Variants in GRID1 observed in about 807,000 individuals in gnomAD.
GRID1 encodes the protein glutamate ionotropic receptor delta type subunit 1, also known as glutamate receptor ionotropic, delta-1.
Under a neutral mutation model 98.0 loss-of-function variants are expected in GRID1, and 28 were observed. The ratio of observed to expected loss-of-function variants is 0.29; its 90% confidence interval spans 0.21 to 0.39. GRID1 has a LOEUF of 0.39. Among genes scored for constraint, GRID1 ranks in the 10% least tolerant of loss-of-function variants. The pLI, the probability that GRID1 is intolerant of heterozygous loss-of-function variation, is 1.00. For synonymous variants in GRID1, 553 were observed against 538.5 expected (o/e 1.03, Z -0.37); for missense variants, 1,111 against 1,340.5 (o/e 0.83, Z 2.67).
In GRID1 at chr10:85,897,897, C is replaced by G. The variant is rs537395603; in HGVS notation, c.780+18289G>C. 2.0e-5 allele frequency among the ~76,000 whole-genome samples: 3 copies of G among 152,258 alleles called. No individual in the cohort carries two copies. The East Asian group carries it at 5.8e-4, about 29-fold the overall frequency. On this transcript the variant is annotated intron_variant, in intron 5 of 15. Transcript: ENST00000327946. Reference sequence around the variant, plus strand: ...CCCCAACCCCCCACTGTCACTCTGGCCCACGGCATCTCACCCTTCTTCTCT... The same window carrying G: ...CCCCAACCCCCCACTGTCACTCTGGGCCACGGCATCTCACCCTTCTTCTCT...
At chr10:86,089,014 C>T (rs139837432) in intron 4 of GRID1, among the ~76,000 whole-genome samples, 2,521 of 152,276 alleles carry the variant, frequency 0.017, 40 homozygotes, top group Middle Eastern at 0.037. Flanking sequence ...CAGCCAAACA[C>T]TCCAGAAAGG....
At position 85,865,972 on chromosome 10, in the gene GRID1, G is replaced by T. The variant is rs1456054711; in HGVS notation, c.951+3038C>A. On this transcript the variant is annotated intron_variant, in intron 6 of 15. Transcript: ENST00000327946. Reference sequence around the variant, plus strand: ...ATATATATGGAGAGAGAGAGAGAGAGAGAGAGAGAGAGAGAGAGAGAGAGA... The same window carrying T: ...ATATATATGGAGAGAGAGAGAGAGATAGAGAGAGAGAGAGAGAGAGAGAGA... 4.3e-4 allele frequency among the ~76,000 whole-genome samples: 45 copies of T among 105,032 alleles called. 2 individuals are homozygous for T. Among genetic ancestry groups the T allele is most frequent in the African/African-American group, 1.6e-3 (44 of 27,028 alleles). 68.9% of individuals were successfully genotyped at this position (105,032 alleles called of 152,430 possible).
intron 8 of GRID1, among the ~76,000 whole-genome samples, chr10:85,804,320 T>G (rs1842603063): frequency 6.6e-6 from 1 of 151,782 alleles, no homozygotes; most frequent in Admixed American, 6.6e-5. Context: ...TGACCAAAAC[T>G]GACATTAGAA....
intron 8 of GRID1, among the ~76,000 whole-genome samples, chr10:85,841,397 G>A (rs754058418): frequency 2.0e-5 from 3 of 152,052 alleles, no homozygotes; most frequent in Non-Finnish European, 4.4e-5. Flanking sequence ...GACAACCTAG[G>A]CAATATCATT....
At chr10:86,050,818 G>A (rs576917968) in intron 4 of GRID1, among the ~76,000 whole-genome samples, 2 of 151,440 alleles carry the variant, frequency 1.3e-5, no homozygotes, top group African/African-American at 4.9e-5. Flanking sequence ...TCAATAGGCT[G>A]TGTTTTGGGC....
chr10:86,106,781 C>T (rs760210109), intron 4 of GRID1, among the ~76,000 whole-genome samples: 17 of 152,020 alleles, frequency 1.1e-4, no homozygotes, highest in Non-Finnish European at 2.5e-4. Context: ...ACTGCATGGC[C>T]GCTGGCAATG....
chr10:86,066,422 T>TTTTTAGCCCTA (rs1843721215), intron 4 of GRID1, among the ~76,000 whole-genome samples: 1 of 152,144 alleles, frequency 6.6e-6, no homozygotes, highest in African/African-American at 2.4e-5. Context: ...GGTATTACAA[T>TTTTTAGCCCTA]TTTTAGCCCT....
chr10:85,752,861 T>G (rs549074009), intron 8 of GRID1, among the ~76,000 whole-genome samples: 3 of 152,246 alleles, frequency 2.0e-5, no homozygotes, highest in Non-Finnish European at 4.4e-5. Context: ...CTCTAAGGGT[T>G]ATTTTAGTTA....
intron 4 of GRID1, among the ~76,000 whole-genome samples, chr10:85,933,171 C>T (rs1841880160): frequency 6.6e-6 from 1 of 151,866 alleles, no homozygotes; most frequent in South Asian, 2.1e-4. Flanking sequence ...CCTCTCTTGC[C>T]CTCCTGCTTT....
chr10:85,688,363 G>A (rs562525387), intron 12 of GRID1, among the ~76,000 whole-genome samples: 41 of 152,248 alleles, frequency 2.7e-4, no homozygotes, highest in African/African-American at 9.6e-4. Context: ...TACTCAGAAG[G>A]TATTGGGTGA....
intron 12 of GRID1, among the ~76,000 whole-genome samples, chr10:85,702,620 A>C (rs1335457987): frequency 2.6e-5 from 4 of 152,132 alleles, no homozygotes; most frequent in Non-Finnish European, 5.9e-5. Context: ...CCAACTCCGG[A>C]AGTTTTTAAG....
chr10:85,991,679 G>T (rs991772735), intron 4 of GRID1, among the ~76,000 whole-genome samples: 4 of 152,208 alleles, frequency 2.6e-5, no homozygotes, highest in Non-Finnish European at 5.9e-5. Flanking sequence ...CACCAAGGTG[G>T]CAAGGAAGAG....
At chr10:85,700,430 A>C (rs922625330) in intron 12 of GRID1, among the ~76,000 whole-genome samples, 1 of 152,122 alleles carries the variant, frequency 6.6e-6, no homozygotes, top group Non-Finnish European at 1.5e-5. Context: ...TTCCAACCTG[A>C]GCCTCTGGGC....
intron 4 of GRID1, among the ~76,000 whole-genome samples, chr10:86,064,013 G>T (rs542386788): frequency 1.6e-4 from 25 of 152,182 alleles, no homozygotes; most frequent in Non-Finnish European, 2.8e-4. Flanking sequence ...GAGATACAAA[G>T]ATATTAATGA....
intron 3 of GRID1, among the ~76,000 whole-genome samples, chr10:86,172,848 C>T (rs1362535415): frequency 1.3e-5 from 2 of 152,110 alleles, no homozygotes; most frequent in African/African-American, 4.8e-5. Flanking sequence ...TTTTATTTTA[C>T]TTGTTATTAT....
At chr10:85,727,117 G>A (rs1457276701) in intron 10 of GRID1, among the ~76,000 whole-genome samples, 1 of 152,194 alleles carries the variant, frequency 6.6e-6, no homozygotes, top group Non-Finnish European at 1.5e-5. Context: ...CAAGATGCAT[G>A]GGGGTGAACA....
At chr10:85,695,335 T>C (rs566772761) in intron 12 of GRID1, among the ~76,000 whole-genome samples, 1 of 152,332 alleles carries the variant, frequency 6.6e-6, no homozygotes, top group Admixed American at 6.5e-5. Context: ...GAAGTGGGTA[T>C]GCACCCATCA....
chr10:86,129,329 C>T (rs1288352753), intron 4 of GRID1, among the ~76,000 whole-genome samples: 1 of 152,216 alleles, frequency 6.6e-6, no homozygotes, highest in Non-Finnish European at 1.5e-5. Context: ...AATGGGCTCT[C>T]CCTTGATCTG....
intron 8 of GRID1, among the ~76,000 whole-genome samples, chr10:85,732,984 G>C (rs1038752841): frequency 6.6e-6 from 1 of 152,028 alleles, no homozygotes; most frequent in Admixed American, 6.5e-5. Flanking sequence ...TCTGGGTCTG[G>C]TAAACTCTTA....
Sources: allele counts gnomAD v4.1 joint callset (sites outside exome capture counted in the v4.1 genomes callset), GRCh38; gene constraint gnomAD v4.1.1; transcripts MANE v1.5; gene names NCBI Gene and HGNC (gene_info 2026-07-23, HGNC 2026-07-21).